Variants in ARHGEF10 observed in about 807,000 individuals in gnomAD.
ARHGEF10 encodes Rho guanine nucleotide exchange factor 10.
A neutral mutation model predicts 147.4 loss-of-function variants in ARHGEF10; 140 were observed. The observed-to-expected ratio is 0.95, with a 90% CI of 0.83 to 1.09. ARHGEF10 has a LOEUF of 1.09. ARHGEF10 is among the 50% of genes least tolerant of loss of function. The pLI is 0.00. For synonymous variants in ARHGEF10, 902 were observed against 695.8 expected, an observed-to-expected ratio of 1.30 and a Z score of -4.67; for missense variants, 2,222 against 1,752.7, an observed-to-expected ratio of 1.27 and a Z score of -4.78.
chr8:1,926,845 G>C (rs1271193465), intron 23 of ARHGEF10: 1 of 313,560 alleles, frequency 3.2e-6, no homozygotes, highest in Non-Finnish European at 6.1e-6. Flanking sequence ...AAATTAATTT[G>C]TTCCAAATGA....
chr8:1,887,770 G>C, intron 11 of ARHGEF10, among the ~76,000 whole-genome samples: 1 of 94,496 alleles, frequency 1.1e-5, no homozygotes, highest in South Asian at 5.3e-4. Flanking sequence ...GTGGGGTGAG[G>C]GTTGTGATGA....
chr8:1,831,347 GCCATGGAGGGACAGTGTGACAT>G (rs964137076), intron 1 of ARHGEF10, among the ~76,000 whole-genome samples: 1 of 150,708 alleles, frequency 6.6e-6, no homozygotes. Flanking sequence ...CAGTGTGACG[GCCATGGAGGGACAGTGTGACAT>G]CCATGGAGGG....
chr8:1,907,067 G>C (rs1810953569), intron 17 of ARHGEF10, among the ~76,000 whole-genome samples: 1 of 152,220 alleles, frequency 6.6e-6, no homozygotes, highest in African/African-American at 2.4e-5. Flanking sequence ...GCGTTGGAGA[G>C]GAGCTGACGG....
intron 23 of ARHGEF10, 54 bp downstream of exon 23, chr8:1,926,517 G>T (rs746782087): frequency 6.5e-7 from 1 of 1,528,710 alleles, no homozygotes; most frequent in Admixed American, 1.7e-5. Flanking sequence ...CAACGTTCAT[G>T]GTCGGTGTGA....
At chr8:1,918,488 G>C (rs1039148369) in intron 18 of ARHGEF10, among the ~76,000 whole-genome samples, 3 of 151,636 alleles carry the variant, frequency 2.0e-5, no homozygotes, top group Non-Finnish European at 4.4e-5. Context: ...GTGTGTGTGT[G>C]TGTGTGTGTG....
chr8:1,941,483 C>G (rs1214567955), intron 26 of ARHGEF10, among the ~76,000 whole-genome samples: 1 of 152,086 alleles, frequency 6.6e-6, no homozygotes, highest in Non-Finnish European at 1.5e-5. Context: ...GGAAGGCATC[C>G]TATGTTCATA....
At chr8:1,855,126 C>T (rs1030387934) in intron 2 of ARHGEF10, among the ~76,000 whole-genome samples, 16 of 152,142 alleles carry the variant, frequency 1.1e-4, no homozygotes, top group Admixed American at 2.0e-4. Flanking sequence ...GGTTCCGGTC[C>T]CAACAGCTCA....
At chr8:1,946,005 G>T (rs141100616) in intron 27 of ARHGEF10, 11 of 441,604 alleles carry the variant, frequency 2.5e-5, no homozygotes, top group South Asian at 8.5e-5. Flanking sequence ...CAGGACCTGA[G>T]GCTGAAGAAC....
At chr8:1,877,843 G>C (rs1027423191) in intron 8 of ARHGEF10, among the ~76,000 whole-genome samples, 6 of 152,102 alleles carry the variant, frequency 3.9e-5, no homozygotes, top group Non-Finnish European at 8.8e-5. Flanking sequence ...TCTGAGGCTG[G>C]CGAGTCCCGT....
chr8:1,889,225 G>A lies in ARHGEF10; in HGVS notation c.1182+3518G>A, dbSNP rs905909668. ...TATTAGGAGACACTGAATGGGGTGA[G>A]GGTTGTGAGGAGACATTGAGTGGGA... On this transcript the variant is annotated intron_variant, in intron 11 of 28. Transcript: ENST00000349830. Among the ~76,000 whole-genome samples the A allele has an allele frequency of 3.5e-5, 4 of 115,194 alleles. 1 individual carries two copies. Among genetic ancestry groups the A allele is most frequent in the African/African-American group, 6.9e-5 (2 of 28,936 alleles). The allele number at this position is 115,194 out of a possible 152,430, so 75.6% of individuals were successfully genotyped here. A position where few individuals can be genotyped will look rare whatever the true frequency, so the allele number is the denominator to read the frequency against.
chr8:1,845,793 G>A (rs755111124), intron 2 of ARHGEF10, among the ~76,000 whole-genome samples: 20 of 152,210 alleles, frequency 1.3e-4, no homozygotes, highest in Non-Finnish European at 1.9e-4. Context: ...TTCTGAAGAA[G>A]GTTCCTGGGC....
At chr8:1,895,408 C>T (rs943119947) in intron 13 of ARHGEF10, among the ~76,000 whole-genome samples, 2 of 152,100 alleles carry the variant, frequency 1.3e-5, no homozygotes, top group East Asian at 1.9e-4. Flanking sequence ...AATAATAATA[C>T]GTGAAATGTT....
chr8:1,893,260 A>T (rs1809698784), intron 11 of ARHGEF10, among the ~76,000 whole-genome samples: 1 of 152,238 alleles, frequency 6.6e-6, no homozygotes, highest in Non-Finnish European at 1.5e-5. Flanking sequence ...AATGTTGGAT[A>T]CATAAAATAC....
At chr8:1,864,311 A>G (rs1461120117) in intron 4 of ARHGEF10, 62 bp from the exon 5 acceptor site, 3 of 1,454,376 alleles carry the variant, frequency 2.1e-6, no homozygotes, top group African/African-American at 1.8e-5. Flanking sequence ...GGGTAAAAAC[A>G]TCAACTTCAT....
intron 10 of ARHGEF10, among the ~76,000 whole-genome samples, chr8:1,884,268 T>C (rs112346021): frequency 0.032 from 4,792 of 151,528 alleles, 108 homozygotes; most frequent in Non-Finnish European, 0.049. Flanking sequence ...TGGTGGCGGG[T>C]GCCTGTAGTC....
chr8:1,889,790 T>TA (rs1809276740), intron 11 of ARHGEF10, among the ~76,000 whole-genome samples: 1 of 129,490 alleles, frequency 7.7e-6, no homozygotes, highest in Non-Finnish European at 1.6e-5. Context: ...GGGGTGAGGG[T>TA]TGTGAGCAGA....
In ARHGEF10 at chr8:1,885,536, G is replaced by A. The variant is rs1342228543; in HGVS notation, c.1076-65G>A. 8 of 1,143,658 alleles carry A rather than the reference G, an allele frequency of 7.0e-6. No individual in the cohort carries two copies. The Admixed American group carries it at 8.9e-5, about 13-fold the overall frequency. The allele number at this position is 1,143,658 out of a possible 1,614,324, so 70.8% of individuals were successfully genotyped here. The stretch of plus-strand genomic sequence containing the variant: ...AATATTTATTTGACTTTTTTTTACT[G>A]TACTGTAGTGTTGTGAATATATTAT... On this transcript the variant is annotated intron_variant, in intron 10 of 28. Coordinates refer to ENST00000349830, the MANE Select transcript of ARHGEF10 (RefSeq NM_014629.4).
At chr8:1,907,978 G>T (rs900058101) in intron 17 of ARHGEF10, among the ~76,000 whole-genome samples, 8 of 152,158 alleles carry the variant, frequency 5.3e-5, no homozygotes, top group South Asian at 2.1e-4. Flanking sequence ...AAGAACTCAT[G>T]GGCATTTCTG....
At chr8:1,905,343 A>G (rs1810796221) in intron 16 of ARHGEF10, among the ~76,000 whole-genome samples, 1 of 152,110 alleles carries the variant, frequency 6.6e-6, no homozygotes, top group Non-Finnish European at 1.5e-5. Flanking sequence ...TGCATTCCTC[A>G]CCGTTCCTGG....
Sources: allele counts gnomAD v4.1 joint callset (sites outside exome capture counted in the v4.1 genomes callset), GRCh38; gene constraint gnomAD v4.1.1; transcripts MANE v1.5; gene names NCBI Gene and HGNC (gene_info 2026-07-23, HGNC 2026-07-21).